The following MED19 variants were observed in gnomAD, a reference collection of about 807,000 sequenced individuals.
The protein encoded by MED19 is mediator of RNA polymerase II transcription subunit 19.
Under a neutral mutation model 19.9 loss-of-function variants are expected in MED19, and 4 were observed. The ratio of observed to expected loss-of-function variants is 0.20; its 90% CI spans 0.10 to 0.46. MED19 has a LOEUF of 0.46. MED19 is among the 20% of genes least tolerant of loss of function. The pLI is 0.99. For synonymous variants in MED19, 139 were observed against 119.6 expected, an observed-to-expected ratio of 1.16 and a Z score of -1.06; for missense variants, 303 against 318.7, an observed-to-expected ratio of 0.95 and a Z score of 0.38.
rs773268014 is a variant in MED19 at position 57,704,702 on chromosome 11, A to C, written c.571+17T>G. 2.4e-5 allele frequency: 28 copies of C among 1,157,444 alleles called. No homozygotes were observed. Among genetic ancestry groups the C allele is most frequent in the Non-Finnish European group, 3.1e-5 (26 of 834,750 alleles). The allele number at this position is 1,157,444 out of a possible 1,614,324, so 71.7% of individuals were successfully genotyped here. On this transcript the variant is annotated intron_variant, in intron 3 of 4. Transcript: ENST00000431606. The stretch of plus-strand genomic sequence containing the variant: ...TTTTTTTTTTTTTTTTTTGCTTTGA[A>C]TAGAACTGCTTCTTACCTGGGGGGA...
intron 1 of MED19, among the ~76,000 whole-genome samples, chr11:57,709,380 TAAAAAA>T (rs71470285): frequency 7.2e-6 from 1 of 138,258 alleles, no homozygotes; most frequent in Non-Finnish European, 1.6e-5. Context: ...AAACTCTGTT[TAAAAAA>T]AAAAAAAAAA....
At position 57,705,256 on chromosome 11, in the gene MED19, A is replaced by G. The variant is rs766565967; in HGVS notation, c.218-27T>C. 6 of 1,608,250 alleles carry G rather than the reference A, an allele frequency of 3.7e-6. No homozygotes were observed. In the Middle Eastern group the frequency reaches 5.0e-4, roughly 133 times the overall value. ...TAGACAACGCAGAATAAAAATAAAAAAGATCAGTCTTCAAAGTAGACCCAG... is the reference window on the plus strand; with the variant it reads ...TAGACAACGCAGAATAAAAATAAAAGAGATCAGTCTTCAAAGTAGACCCAG... On this transcript the variant is annotated intron_variant, in intron 1 of 4. Transcript: ENST00000431606.
intron 1 of MED19, 124 bp downstream of exon 1, chr11:57,711,839 G>A (rs1420427710): frequency 3.7e-6 from 4 of 1,079,378 alleles, no homozygotes; most frequent in Non-Finnish European, 5.0e-6. Flanking sequence ...TCCGACTTAG[G>A]GCTCCACAGT....
intron 1 of MED19, among the ~76,000 whole-genome samples, chr11:57,705,696 T>A (rs1278176269): frequency 6.8e-6 from 1 of 146,808 alleles, no homozygotes; most frequent in African/African-American, 2.5e-5. Context: ...ATGAAAAGTA[T>A]AATACAACAC....
In MED19 at chr11:57,704,703, TAGAA is replaced by T; in HGVS notation, c.571+12_571+15del. On this transcript the variant is annotated intron_variant, in intron 3 of 4. Transcript: ENST00000431606. The stretch of plus-strand genomic sequence containing the variant: ...TTTTTTTTTTTTTTTTTGCTTTGAA[TAGAA>T]CTGCTTCTTACCTGGGGGGACAGGA... The T allele has an allele frequency of 8.7e-7, 1 of 1,151,346 alleles. No individual in the cohort carries two copies. Among genetic ancestry groups the T allele is most frequent in the Non-Finnish European group, 1.2e-6 (1 of 809,016 alleles). The allele number at this position is 1,151,346 out of a possible 1,614,324, so 71.3% of individuals were successfully genotyped here. A position where few individuals can be genotyped will look rare whatever the true frequency, so the allele number is the denominator to read the frequency against.
At chr11:57,703,749 C>A in exon 5 of MED19, 2 of 333,312 alleles carry the variant, frequency 6.0e-6, no homozygotes, top group Non-Finnish European at 5.4e-6. Context: ...TTAAAGAAAA[C>A]ACAGAACAAG....
At chr11:57,712,081 C>T in exon 1 of MED19, 1 of 1,528,968 alleles carries the variant, frequency 6.5e-7, no homozygotes, top group Non-Finnish European at 8.8e-7. Context: ...CCGCAGGAGG[C>T]GGTGGCGGGG....
chr11:57,704,850 G>C (rs779235166), intron 2 of MED19, 35 bp from the exon 3 acceptor site: 1 of 1,610,970 alleles, frequency 6.2e-7, no homozygotes, highest in Non-Finnish European at 8.5e-7. Context: ...GGTGAGTAGA[G>C]GGAGGAAATC....
chr11:57,712,163 G>A, exon 1 of MED19: 12 of 1,529,012 alleles, frequency 7.8e-6, no homozygotes, highest in Non-Finnish European at 1.1e-5. Context: ...CCCAAACAGT[G>A]CCGTGAAATT....
At chr11:57,703,965 C>G (rs1347454462) in exon 5 of MED19, 24 of 1,523,338 alleles carry the variant, frequency 1.6e-5, no homozygotes, top group East Asian at 2.4e-5. Flanking sequence ...GTCCAAGAGC[C>G]TGGAAGGCAG....
intron 1 of MED19, among the ~76,000 whole-genome samples, chr11:57,707,499 C>A (rs1419722994): frequency 6.6e-6 from 1 of 152,212 alleles, no homozygotes; most frequent in Admixed American, 6.5e-5. Flanking sequence ...GCACAGTACA[C>A]ACATTAGGTG....
chr11:57,711,981 G>T, exon 1 of MED19: 1 of 1,483,844 alleles, frequency 6.7e-7, no homozygotes, highest in African/African-American at 1.4e-5. Flanking sequence ...TCCCTCATGA[G>T]GTAAAAAGGG....
At chr11:57,705,295 A>G in intron 1 of MED19, 66 bp from the exon 2 acceptor site, 1 of 1,523,314 alleles carries the variant, frequency 6.6e-7, no homozygotes, top group Non-Finnish European at 8.9e-7. Flanking sequence ...GTGAAGGACT[A>G]TATATTAACC....
At chr11:57,704,483 G>A (rs1407427884) in intron 3 of MED19, 87 bp from the exon 4 acceptor site, 21 of 1,554,984 alleles carry the variant, frequency 1.4e-5, no homozygotes, top group Non-Finnish European at 1.8e-5. Flanking sequence ...AAAATCCCAA[G>A]TCGGGGCAAC....
At chr11:57,705,031 C>T (rs143495305) in exon 2 of MED19, 1 of 1,614,034 alleles carries the variant, frequency 6.2e-7, no homozygotes, top group African/African-American at 1.3e-5. Flanking sequence ...ATTGAAAGAG[C>T]TACTGAGAAT....
intron 1 of MED19, among the ~76,000 whole-genome samples, chr11:57,707,816 T>C (rs1946525645): frequency 6.6e-6 from 1 of 152,170 alleles, no homozygotes; most frequent in African/African-American, 2.4e-5. Context: ...GTTTTGACTA[T>C]TCTACAAAGA....
chr11:57,704,226 A>G lies in MED19; in HGVS notation c.666+76T>C. 2.0e-6 allele frequency: 3 copies of G among 1,526,744 alleles called. 1 individual carries two copies. The highest frequency in any genetic ancestry group is 8.7e-7 in the Non-Finnish European group (1 of 1,143,192). 94.6% of individuals were successfully genotyped at this position (1,526,744 alleles called of 1,614,324 possible). A position where few individuals can be genotyped will look rare whatever the true frequency, so the allele number is the denominator to read the frequency against. ...CAATCTTGGGTCCAACTTGAGGCAA[A>G]GAACTCTAGGGTATTTAGGACAGGG... On this transcript the variant is annotated intron_variant, in intron 4 of 4. Transcript: ENST00000431606.
chr11:57,705,182 A>G (rs1371451363), exon 2 of MED19: 4 of 1,614,062 alleles, frequency 2.5e-6, no homozygotes, highest in East Asian at 4.5e-5. Flanking sequence ...GCTTGTTCCA[A>G]GTTGTAGTGT....
intron 1 of MED19, among the ~76,000 whole-genome samples, chr11:57,710,046 T>C (rs1355220778): frequency 2.0e-5 from 3 of 152,230 alleles, no homozygotes; most frequent in Non-Finnish European, 2.9e-5. Context: ...ACAAGTGCAT[T>C]TGACCAACTT....
Sources: gnomAD v4.1 joint callset for allele counts (sites outside exome capture counted in the v4.1 genomes callset) on GRCh38, gnomAD v4.1.1 for gene constraint, MANE v1.5 for transcripts, NCBI Gene and HGNC (gene_info 2026-07-23, HGNC 2026-07-21) for gene names.